PTPRN2: variants seen among roughly 807,000 people sequenced by gnomAD.
The protein encoded by PTPRN2 is protein tyrosine phosphatase receptor type N2, also known as receptor-type tyrosine-protein phosphatase N2.
A neutral mutation model predicts 118.8 loss-of-function variants in PTPRN2; 74 were observed. The observed-to-expected ratio is 0.62, with a 90% CI of 0.52 to 0.76. The LOEUF (loss-of-function observed/expected upper bound fraction) is 0.76, where lower values mean the gene tolerates loss of function less well. Among genes scored for constraint, PTPRN2 ranks in the 30% least tolerant of loss-of-function variants. The probability of loss-of-function intolerance (pLI) is 0.00; values close to 1 mark genes in which losing one functional copy is unlikely to be tolerated. For synonymous variants in PTPRN2, 641 were observed against 608.0 expected, an observed-to-expected ratio of 1.05 and a Z score of -0.80; for missense variants, 1,481 against 1,394.4, an observed-to-expected ratio of 1.06 and a Z score of -0.99.
rs570772315 is a variant in PTPRN2 at position 157,809,654 on chromosome 7, C to T, written c.1788+89019G>A. Among the ~76,000 whole-genome samples the T allele has an allele frequency of 3.3e-4, 51 of 152,252 alleles. 1 individual carries two copies. Among genetic ancestry groups the T allele is most frequent in the East Asian group, 1.4e-3 (7 of 5,172 alleles). On this transcript the variant is annotated intron_variant, in intron 12 of 22. Transcript: ENST00000389418. ...ACACGCCCCGAGGACGGAGACGGAACGGAGTGAGGCGTCTACCTGCCAAGG... is the reference window on the plus strand; with the variant it reads ...ACACGCCCCGAGGACGGAGACGGAATGGAGTGAGGCGTCTACCTGCCAAGG...
rs1001223489 is a variant in PTPRN2, at chr7:157,539,204, G to A, written c.*1510C>T. ...ATTCATTTCGATTAATTAAATTCCA[G>A]ATAGAGAGAAGTAATTTTGGAAAAG... On this transcript the variant is annotated 3_prime_UTR_variant, in exon 23 of 23. Coordinates refer to ENST00000389418, the MANE Select transcript of PTPRN2 (RefSeq NM_002847.5). The A allele has an allele frequency of 3.3e-5, 5 of 152,184 alleles. No individual in the cohort carries two copies. In the East Asian group the frequency reaches 5.8e-4, roughly 18 times the overall value. The allele number at this position is 152,184 out of a possible 1,614,324, so 9.4% of individuals were successfully genotyped here. A position where few individuals can be genotyped will look rare whatever the true frequency, so the allele number is the denominator to read the frequency against.
At chr7:158,090,417 G>A (rs1413864441) in intron 10 of PTPRN2, among the ~76,000 whole-genome samples, 2 of 152,072 alleles carry the variant, frequency 1.3e-5, no homozygotes, top group Non-Finnish European at 2.9e-5. Flanking sequence ...ACCAAAATAA[G>A]GAAACCATAT....
At chr7:158,047,842 C>G (rs1403090515) in intron 11 of PTPRN2, among the ~76,000 whole-genome samples, 1 of 152,184 alleles carries the variant, frequency 6.6e-6, no homozygotes, top group Non-Finnish European at 1.5e-5. Flanking sequence ...GCAAAATGGG[C>G]AAGCCGGGAG....
chr7:158,366,296 C>T (rs1809503982), intron 2 of PTPRN2, among the ~76,000 whole-genome samples: 1 of 148,914 alleles, frequency 6.7e-6, no homozygotes, highest in Non-Finnish European at 1.5e-5. Flanking sequence ...GGAGAAGCTG[C>T]AGCCCAATGC....
intron 11 of PTPRN2, among the ~76,000 whole-genome samples, chr7:158,059,360 G>A (rs1195172703): frequency 2.4e-5 from 3 of 123,512 alleles, no homozygotes; most frequent in African/African-American, 3.9e-5. Flanking sequence ...TCTGCACACG[G>A]TGACGCATCA....
chr7:158,334,567 C>T (rs62480926), intron 2 of PTPRN2, among the ~76,000 whole-genome samples: 6 of 75,174 alleles, frequency 8.0e-5, no homozygotes, highest in African/African-American at 2.7e-4. Context: ...CATAAGAGCT[C>T]TCGCCCACAG....
chr7:157,641,975 G>C (rs1639375827), intron 14 of PTPRN2, among the ~76,000 whole-genome samples: 2 of 151,968 alleles, frequency 1.3e-5, no homozygotes, highest in South Asian at 4.2e-4. Context: ...CTTCCTGATG[G>C]AGCTGTGCTG....
intron 3 of PTPRN2, among the ~76,000 whole-genome samples, chr7:158,313,165 C>A (rs529658333): frequency 9.2e-5 from 14 of 152,254 alleles, no homozygotes; most frequent in African/African-American, 3.4e-4. Flanking sequence ...TGTGCAGGTA[C>A]GTGTGCCTTC....
intron 14 of PTPRN2, among the ~76,000 whole-genome samples, chr7:157,646,217 G>T (rs1340596254): frequency 6.6e-6 from 1 of 152,194 alleles, no homozygotes; most frequent in Non-Finnish European, 1.5e-5. Flanking sequence ...GGCTGGAGGT[G>T]GGGCCTGGTG....
intron 11 of PTPRN2, among the ~76,000 whole-genome samples, chr7:157,975,727 C>A (rs542371811): frequency 5.9e-5 from 9 of 152,326 alleles, no homozygotes; most frequent in Non-Finnish European, 1.0e-4. Flanking sequence ...GAGTCTAAAA[C>A]CTCACTGTCT....
intron 3 of PTPRN2, among the ~76,000 whole-genome samples, chr7:158,260,613 T>C (rs1182543847): frequency 6.6e-6 from 1 of 152,108 alleles, no homozygotes; most frequent in Non-Finnish European, 1.5e-5. Flanking sequence ...CCTACGGACA[T>C]TCTAATGCTG....
At chr7:158,312,257 CACTCACGT>C in intron 3 of PTPRN2, among the ~76,000 whole-genome samples, 2 of 109,386 alleles carry the variant, frequency 1.8e-5, no homozygotes, top group Middle Eastern at 8.7e-3. Flanking sequence ...CCTGCACACG[CACTCACGT>C]GCTCACATGT....
At chr7:157,896,540 G>A (rs929878228) in intron 12 of PTPRN2, among the ~76,000 whole-genome samples, 1 of 151,650 alleles carries the variant, frequency 6.6e-6, no homozygotes, top group Admixed American at 6.5e-5. Context: ...TGAGTGGGCA[G>A]CCGGGGAGGT....
chr7:158,223,921 ACT>A (rs1199773797), intron 3 of PTPRN2, among the ~76,000 whole-genome samples: 10 of 152,164 alleles, frequency 6.6e-5, no homozygotes. Flanking sequence ...AGCCCCAAGG[ACT>A]CTACAAAAAA....
chr7:158,040,002 T>G (rs947705734), intron 11 of PTPRN2, among the ~76,000 whole-genome samples: 7 of 150,818 alleles, frequency 4.6e-5, no homozygotes, highest in Non-Finnish European at 1.0e-4. Context: ...AGAGCAGACA[T>G]AGCTGAGGAA....
intron 3 of PTPRN2, among the ~76,000 whole-genome samples, chr7:158,274,611 G>A (rs1798838584): frequency 6.6e-6 from 1 of 152,194 alleles, no homozygotes; most frequent in Admixed American, 6.5e-5. Context: ...CAGCTTGTCA[G>A]CAGCCTTCCT....
intron 2 of PTPRN2, among the ~76,000 whole-genome samples, chr7:158,444,423 T>C (rs1276613331): frequency 2.0e-5 from 3 of 152,210 alleles, no homozygotes; most frequent in African/African-American, 7.2e-5. Context: ...CTGATTTGAC[T>C]TCACTCAAAA....
rs35071475 is a variant in PTPRN2 at position 157,583,883 on chromosome 7, AACACACACACACACACACACAC to A, written c.2497-5765_2497-5744del. Among the ~76,000 whole-genome samples, 99 of 134,260 alleles carry A rather than the reference AACACACACACACACACACACAC, an allele frequency of 7.4e-4. No homozygotes were observed. The highest frequency in any genetic ancestry group is 2.1e-3 in the Admixed American group (29 of 13,572). 88.1% of individuals were successfully genotyped at this position (134,260 alleles called of 152,430 possible). A position where few individuals can be genotyped will look rare whatever the true frequency, so the allele number is the denominator to read the frequency against. ...GGTGACAGAGCGAGACTCTGTCTCA[AACACACACACACACACACACAC>A]ACACACACACACACACACACACACA... On this transcript the variant is annotated intron_variant, in intron 17 of 22. Coordinates refer to ENST00000389418, the MANE Select transcript of PTPRN2 (RefSeq NM_002847.5). The surrounding 1 kb of genome is among the most constrained non-coding windows in gnomAD (Gnocchi z 5.5).
At chr7:157,817,689 A>G (rs56373860) in intron 12 of PTPRN2, among the ~76,000 whole-genome samples, 29,967 of 152,252 alleles carry the variant, frequency 0.2, 4,898 homozygotes, top group African/African-American at 0.44. Flanking sequence ...TGAGGGGGCC[A>G]AGGAGAGCCC....
Sources: allele counts gnomAD v4.1 joint callset (sites outside exome capture counted in the v4.1 genomes callset), GRCh38; gene constraint gnomAD v4.1.1; non-coding constraint Gnocchi (gnomAD v3.1); transcripts MANE v1.5; gene names NCBI Gene and HGNC (gene_info 2026-07-23, HGNC 2026-07-21).